VPS39: variants seen among roughly 807,000 people sequenced by gnomAD.
VPS39 encodes the protein VPS39 subunit of HOPS complex.
In VPS39, 70 loss-of-function variants were observed where a neutral mutation model predicts 121.0. That is an observed-to-expected ratio of 0.58 (90% CI 0.48 to 0.71). The LOEUF is 0.71. Ranked by LOEUF, VPS39 falls within the 30% of genes least tolerant of loss-of-function variation. The pLI, the probability that VPS39 is intolerant of heterozygous loss-of-function variation, is 0.00. For missense variants in VPS39, 818 were observed against 1,051.5 expected, an observed-to-expected ratio of 0.78 and a Z score of 3.07; for synonymous variants, 378 against 398.1, an observed-to-expected ratio of 0.95 and a Z score of 0.60.
chr15:42,198,226 G>A (rs1478039528), intron 2 of VPS39, among the ~76,000 whole-genome samples: 1 of 152,102 alleles, frequency 6.6e-6, no homozygotes, highest in Non-Finnish European at 1.5e-5. Context: ...AAAGCAGAGA[G>A]TCAAAAAACA....
chr15:42,164,647 T>C (rs2049206568), intron 18 of VPS39, 161 bp from the exon 19 acceptor site: 3 of 1,440,150 alleles, frequency 2.1e-6, no homozygotes, highest in African/African-American at 1.4e-5. Flanking sequence ...ATAGTCTCCA[T>C]GTGGCCCCAA....
chr15:42,181,806 C>T (rs894079899), intron 8 of VPS39, among the ~76,000 whole-genome samples: 3 of 152,002 alleles, frequency 2.0e-5, no homozygotes, highest in African/African-American at 7.2e-5. Flanking sequence ...ATCTCCCAGG[C>T]TCAAGCAATC....
Position 42,187,251 on chromosome 15 carries a change from G to A in VPS39, c.534+20C>T, listed in dbSNP as rs765319652. On this transcript the variant is annotated intron_variant, in intron 7 of 24. Coordinates refer to ENST00000318006, the MANE Select transcript of VPS39 (RefSeq NM_015289.5). The stretch of plus-strand genomic sequence containing the variant: ...TCCCCAAGATAAACTAATGATATTT[G>A]CAAAATAATAAGATTTTACCCTTAT... The A allele has an allele frequency of 6.4e-7, 1 of 1,573,368 alleles. No homozygotes were observed. The highest frequency in any genetic ancestry group is 1.4e-5 in the African/African-American group (1 of 73,028).
At chr15:42,175,659 C>G (rs997686541) in intron 10 of VPS39, among the ~76,000 whole-genome samples, 4 of 151,924 alleles carry the variant, frequency 2.6e-5, no homozygotes, top group Non-Finnish European at 5.9e-5. Context: ...TCCAAGCCAT[C>G]ATCAACATGT....
At chr15:42,173,124 TA>T (rs1320940176) in intron 11 of VPS39, among the ~76,000 whole-genome samples, 4 of 152,264 alleles carry the variant, frequency 2.6e-5, no homozygotes, top group African/African-American at 9.6e-5. Context: ...GAGCACTTGT[TA>T]AGTGCCACAC....
At position 42,165,722 on chromosome 15, in the gene VPS39, TA is replaced by T; in HGVS notation, c.1774del (p.Tyr592IlefsTer20). 1.9e-6 allele frequency: 3 copies of T among 1,613,926 alleles called. No homozygotes were observed. The highest frequency in any genetic ancestry group is 2.5e-6 in the Non-Finnish European group (3 of 1,179,840). Reference protein sequence around the residue: ...IENFKGLAIPYLEHIIHVWEE... With the variant: ...IENFKGLAIPXLEHIIHVWEE... ...GCAGACCAAAAAATACCTTACCAGA[TA>T]AGGAATAGCCAGACCCTTAAAATTC... On this transcript the variant is annotated frameshift_variant, in exon 17 of 25. Transcript: ENST00000318006. LOFTEE classifies it high-confidence loss of function.
chr15:42,168,162 G>A (rs2049281156), intron 12 of VPS39, among the ~76,000 whole-genome samples: 1 of 152,172 alleles, frequency 6.6e-6, no homozygotes, highest in African/African-American at 2.4e-5. Flanking sequence ...CAGAGCCCAT[G>A]GTCTTGCTCT....
Position 42,160,855 on chromosome 15 carries a change from G to A in VPS39, c.2553-26C>T, listed in dbSNP as rs2049113815. Reference sequence around the variant, plus strand: ...CTGCAGGGAAGAAAATGGCTTGGGAGTGAGGACTGCTTCTAAGTGACCACT... The same window carrying A: ...CTGCAGGGAAGAAAATGGCTTGGGAATGAGGACTGCTTCTAAGTGACCACT... On this transcript the variant is annotated intron_variant, in intron 24 of 24. Coordinates refer to ENST00000318006, the MANE Select transcript of VPS39 (RefSeq NM_015289.5). The A allele has an allele frequency of 1.9e-6, 3 of 1,612,806 alleles. No individual in the cohort carries two copies. In the African/African-American group the frequency reaches 4.0e-5, roughly 22 times the overall value.
chr15:42,161,874 C>A, intron 23 of VPS39, 101 bp from the exon 24 acceptor site: 2 of 1,593,208 alleles, frequency 1.3e-6, no homozygotes, highest in Non-Finnish European at 1.7e-6. Context: ...GTCACAGATT[C>A]TTCTGCTTAG....
At position 42,162,259 on chromosome 15, in the gene VPS39, C is replaced by T. The variant is rs1001572998; in HGVS notation, c.2325+73G>A. 2.7e-5 allele frequency: 43 copies of T among 1,599,858 alleles called. No homozygotes were observed. In the Admixed American group the frequency reaches 6.8e-4, roughly 25 times the overall value. On this transcript the variant is annotated intron_variant, in intron 22 of 24. Coordinates refer to ENST00000318006, the MANE Select transcript of VPS39 (RefSeq NM_015289.5). ...GCCGTGGAGCTCTTGGACCCTAGTC[C>T]CTTTCCACATTTCCTCTTCTCATTC...
Position 42,163,641 on chromosome 15 carries a change from G to A in VPS39, c.2114C>T (p.Thr705Ile). The A allele has an allele frequency of 1.2e-6, 2 of 1,613,852 alleles. No individual in the cohort carries two copies. Among genetic ancestry groups the A allele is most frequent in the East Asian group, 2.2e-5 (1 of 44,870 alleles). ...GCAAACTTACTCCTCAGCCATCCTTGTATCCTTCAAGATGTGGACATAAAT... is the reference window on the plus strand; with the variant it reads ...GCAAACTTACTCCTCAGCCATCCTTATATCCTTCAAGATGTGGACATAAAT... ...LFIYVHILKD[T>I]RMAEEYCHKH... The change falls in exon 20 of 25, where the codon ACA becomes ATA. Residue 705 changes from threonine (T) to isoleucine (I), a missense_variant. Transcript: ENST00000318006.
intron 1 of VPS39, among the ~76,000 whole-genome samples, chr15:42,200,297 T>C (rs1679000): frequency 0.042 from 6,346 of 152,102 alleles, 312 homozygotes; most frequent in Admixed American, 0.1. Context: ...ATTATGATTT[T>C]TATTTTTTGT....
intron 24 of VPS39, 88 bp from the exon 25 acceptor site, chr15:42,160,917 T>C: frequency 7.3e-7 from 1 of 1,372,890 alleles, no homozygotes; most frequent in Non-Finnish European, 1.0e-6. Flanking sequence ...AGAGGCACAT[T>C]GCTGGGGGGC....
At chr15:42,201,126 G>A (rs2050059295) in intron 1 of VPS39, among the ~76,000 whole-genome samples, 1 of 152,136 alleles carries the variant, frequency 6.6e-6, no homozygotes, top group Non-Finnish European at 1.5e-5. Context: ...TGTGCTGATA[G>A]TTGCATAACT....
intron 10 of VPS39, among the ~76,000 whole-genome samples, chr15:42,177,807 C>T (rs941827065): frequency 1.3e-5 from 2 of 152,126 alleles, no homozygotes; most frequent in African/African-American, 4.8e-5. Flanking sequence ...GCTGGGATTA[C>T]AGGTTCCTGC....
chr15:42,163,294 C>A, intron 21 of VPS39, 56 bp downstream of exon 21: 2 of 1,608,166 alleles, frequency 1.2e-6, no homozygotes, highest in South Asian at 2.2e-5. Context: ...CACCTCTGGT[C>A]AAACCAACGG....
chr15:42,192,142 G>A, intron 2 of VPS39: 8 of 1,533,832 alleles, frequency 5.2e-6, no homozygotes, highest in Non-Finnish European at 7.0e-6. Flanking sequence ...ATAAAAACAT[G>A]TGAATTCAGC....
intron 18 of VPS39, chr15:42,164,734 C>T (rs1189611258): frequency 7.0e-7 from 1 of 1,429,910 alleles, no homozygotes; most frequent in Non-Finnish European, 9.1e-7. Flanking sequence ...ATCAGTATAG[C>T]TGTCATCTTG....
At chr15:42,174,332 GA>G (rs1458072269) in intron 10 of VPS39, among the ~76,000 whole-genome samples, 6 of 152,302 alleles carry the variant, frequency 3.9e-5, no homozygotes, top group African/African-American at 1.4e-4. Context: ...CTAACTGTAA[GA>G]CTGCTAAGTA....
Sources: gnomAD v4.1 joint callset for allele counts (sites outside exome capture counted in the v4.1 genomes callset) on GRCh38, gnomAD v4.1.1 for gene constraint, MANE v1.5 for transcripts, NCBI Gene and HGNC (gene_info 2026-07-23, HGNC 2026-07-21) for gene names.